CCSER1: variants seen among roughly 807,000 people sequenced by gnomAD.
CCSER1 encodes serine-rich coiled-coil domain-containing protein 1.
In CCSER1, 41 loss-of-function variants were observed where a neutral mutation model predicts 82.0. The observed-to-expected ratio is 0.50, with a 90% CI of 0.39 to 0.65. The LOEUF (loss-of-function observed/expected upper bound fraction) is 0.65. Ranked by LOEUF, CCSER1 falls within the 30% of genes least tolerant of loss-of-function variation. The pLI is 0.00. For missense variants in CCSER1, 1,119 were observed against 1,064.2 expected (o/e 1.05, Z -0.72); for synonymous variants, 414 against 383.9 (o/e 1.08, Z -0.92).
intron 9 of CCSER1, among the ~76,000 whole-genome samples, chr4:90,924,831 A>G (rs577542130): frequency 6.6e-6 from 1 of 152,140 alleles, no homozygotes; most frequent in East Asian, 1.9e-4. Flanking sequence ...GGTTCAAGTG[A>G]TTCTCCTGCC....
intron 10 of CCSER1, among the ~76,000 whole-genome samples, chr4:91,418,605 A>T (rs1338904324): frequency 6.6e-6 from 1 of 151,942 alleles, no homozygotes; most frequent in African/African-American, 2.4e-5. Flanking sequence ...AACAATGAAA[A>T]CCTAGAATTT....
chr4:91,505,003 A>C (rs1759410699), intron 10 of CCSER1, among the ~76,000 whole-genome samples: 1 of 152,154 alleles, frequency 6.6e-6, no homozygotes. Flanking sequence ...ATGGGTAAAC[A>C]TGTGCCATGG....
chr4:91,213,321 CAG>C (rs1037913814), intron 10 of CCSER1, among the ~76,000 whole-genome samples: 16 of 151,916 alleles, frequency 1.1e-4, no homozygotes, highest in African/African-American at 3.9e-4. Context: ...CTGGGAAAAA[CAG>C]AGATGTAGTG....
chr4:90,714,447 A>C (rs1172315073), intron 6 of CCSER1, among the ~76,000 whole-genome samples: 1 of 151,948 alleles, frequency 6.6e-6, no homozygotes, highest in Non-Finnish European at 1.5e-5. Context: ...TGCTGAACAT[A>C]CCAAGAATAT....
chr4:91,555,612 A>G (rs922706824), intron 10 of CCSER1, among the ~76,000 whole-genome samples: 4 of 150,666 alleles, frequency 2.7e-5, no homozygotes, highest in Non-Finnish European at 4.5e-5. Flanking sequence ...TACACTAGAT[A>G]CAAAAACAAA....
At chr4:90,977,435 A>G (rs1008810692) in intron 9 of CCSER1, among the ~76,000 whole-genome samples, 1 of 151,612 alleles carries the variant, frequency 6.6e-6, no homozygotes, top group African/African-American at 2.4e-5. Flanking sequence ...ATAAATGCAT[A>G]TATTATAATT....
At chr4:90,232,712 A>G (rs1177093344) in intron 1 of CCSER1, among the ~76,000 whole-genome samples, 4 of 144,266 alleles carry the variant, frequency 2.8e-5, no homozygotes, top group Non-Finnish European at 4.6e-5. Context: ...GAAAATTTTC[A>G]CAACCTACTC....
At chr4:90,263,932 G>T (rs1232742086) in intron 1 of CCSER1, among the ~76,000 whole-genome samples, 1 of 152,110 alleles carries the variant, frequency 6.6e-6, no homozygotes, top group Non-Finnish European at 1.5e-5. Flanking sequence ...CCTCACAGGG[G>T]CCATGACTTG....
At chr4:91,413,286 G>T (rs570373261) in intron 10 of CCSER1, among the ~76,000 whole-genome samples, 1 of 151,974 alleles carries the variant, frequency 6.6e-6, no homozygotes, top group Admixed American at 6.6e-5. Flanking sequence ...CTACAAAAAT[G>T]TTAAAATTAA....
chr4:91,521,034 C>T (rs1760436855), intron 10 of CCSER1, among the ~76,000 whole-genome samples: 2 of 152,116 alleles, frequency 1.3e-5, no homozygotes, highest in African/African-American at 2.4e-5. Flanking sequence ...ATCCGTCCCC[C>T]AGACCCCCGC....
chr4:90,469,270 AT>A, intron 5 of CCSER1, among the ~76,000 whole-genome samples: 1 of 152,162 alleles, frequency 6.6e-6, no homozygotes, highest in East Asian at 1.9e-4. Context: ...CTGTTTGTGA[AT>A]AGGGCAATGT....
At chr4:91,465,984 T>A (rs1247868622) in intron 10 of CCSER1, among the ~76,000 whole-genome samples, 4 of 152,086 alleles carry the variant, frequency 2.6e-5, no homozygotes, top group African/African-American at 9.7e-5. Context: ...AAAGAGGGGA[T>A]CCTCCCTAAC....
chr4:91,386,464 A>G (rs150904190), intron 10 of CCSER1, among the ~76,000 whole-genome samples: 2,838 of 152,182 alleles, frequency 0.019, 62 homozygotes, highest in African/African-American at 0.064. Context: ...TTTCCCTTAT[A>G]GTAGAATATC....
intron 3 of CCSER1, among the ~76,000 whole-genome samples, chr4:90,393,830 G>T (rs1218136011): frequency 1.5e-5 from 2 of 135,622 alleles, no homozygotes; most frequent in Non-Finnish European, 3.0e-5. Context: ...ATGCTGGAGT[G>T]CAGTGTGGCA....
At chr4:90,269,615 T>C (rs1284910346) in intron 1 of CCSER1, among the ~76,000 whole-genome samples, 1 of 151,602 alleles carries the variant, frequency 6.6e-6, no homozygotes, top group Non-Finnish European at 1.5e-5. Flanking sequence ...ACAGTGCATC[T>C]TAAAGAACTG....
chr4:90,297,714 A>G (rs1732251509), intron 1 of CCSER1, among the ~76,000 whole-genome samples: 1 of 151,972 alleles, frequency 6.6e-6, no homozygotes, highest in African/African-American at 2.4e-5. Context: ...GGGTTGTTGA[A>G]TTTTGTCAAA....
intron 1 of CCSER1, among the ~76,000 whole-genome samples, chr4:90,238,172 T>A (rs571946356): frequency 6.6e-6 from 1 of 151,898 alleles, no homozygotes; most frequent in African/African-American, 2.4e-5. Context: ...AAGTCAAACC[T>A]TTTTTTTGAA....
chr4:90,341,090 T>C (rs574194996), intron 3 of CCSER1, among the ~76,000 whole-genome samples: 1 of 152,166 alleles, frequency 6.6e-6, no homozygotes, highest in Admixed American at 6.5e-5. Context: ...AAATAGAAAA[T>C]AATTTTGAGA....
chr4:90,170,916 A>G (rs893646951), intron 1 of CCSER1, among the ~76,000 whole-genome samples: 5 of 151,814 alleles, frequency 3.3e-5, no homozygotes, highest in Admixed American at 1.3e-4. Flanking sequence ...TGGTAGCTCA[A>G]TTTCTAGTAT....
Sources: allele counts gnomAD v4.1 joint callset (sites outside exome capture counted in the v4.1 genomes callset), GRCh38; gene constraint gnomAD v4.1.1; transcripts MANE v1.5; gene names NCBI Gene and HGNC (gene_info 2026-07-23, HGNC 2026-07-21).